Variants in RBFOX1 observed in about 807,000 individuals in gnomAD.
RBFOX1 encodes RNA binding fox-1 homolog 1, also known as RNA binding protein fox-1 homolog 1.
RBFOX1 carries 8 observed loss-of-function variants against 57.7 expected under a neutral mutation model. The ratio of observed to expected loss-of-function variants is 0.14; its 90% confidence interval spans 0.08 to 0.25. The LOEUF (loss-of-function observed/expected upper bound fraction) is 0.25, where lower values mean the gene tolerates loss of function less well. RBFOX1 is among the 10% of genes least tolerant of loss of function. The probability of loss-of-function intolerance (pLI) is 1.00; values close to 1 mark genes in which losing one functional copy is unlikely to be tolerated. For synonymous variants in RBFOX1, 326 were observed against 222.4 expected (o/e 1.47, Z -4.15); for missense variants, 611 against 548.5 (o/e 1.11, Z -1.14).
intron 1 of RBFOX1, among the ~76,000 whole-genome samples, chr16:6,312,529 G>T (rs1476665386): frequency 6.6e-6 from 1 of 152,156 alleles, no homozygotes; most frequent in East Asian, 1.9e-4. Context: ...ATGGAGCCAG[G>T]ATCAGGCGCT....
chr16:5,351,998 G>A (rs2065272623), intron 1 of RBFOX1, among the ~76,000 whole-genome samples: 1 of 152,064 alleles, frequency 6.6e-6, no homozygotes, highest in Non-Finnish European at 1.5e-5. Flanking sequence ...TGGAGACAGG[G>A]TTTCACCATG....
intron 3 of RBFOX1, among the ~76,000 whole-genome samples, chr16:6,676,790 C>G (rs530481052): frequency 6.6e-6 from 1 of 150,838 alleles, no homozygotes. Context: ...TTTCTCCTGC[C>G]TCAGCCTCCC....
chr16:7,312,240 C>T lies in RBFOX1; in HGVS notation c.28-205907C>T, dbSNP rs192632584. Among the ~76,000 whole-genome samples, 38 of 152,188 alleles carry T rather than the reference C, an allele frequency of 2.5e-4. No individual in the cohort carries two copies. In the East Asian group the frequency reaches 3.1e-3, roughly 12 times the overall value. Reference sequence around the variant, plus strand: ...ACTAAAAATACAAAAATTATCTGAGCGTGGTGGAGCACACTTGTAATCCCA... The same window carrying T: ...ACTAAAAATACAAAAATTATCTGAGTGTGGTGGAGCACACTTGTAATCCCA... On this transcript the variant is annotated intron_variant, in intron 4 of 15. Coordinates refer to ENST00000550418, the MANE Select transcript of RBFOX1 (RefSeq NM_018723.4).
chr16:5,851,161 C>T (rs1332630945), intron 3 of RBFOX1, among the ~76,000 whole-genome samples: 1 of 152,164 alleles, frequency 6.6e-6, no homozygotes, highest in Non-Finnish European at 1.5e-5. Context: ...TGAAGCCAGA[C>T]CCTATGACGG....
At chr16:6,908,687 G>C (rs371555264) in intron 3 of RBFOX1, among the ~76,000 whole-genome samples, 6 of 152,186 alleles carry the variant, frequency 3.9e-5, no homozygotes, top group African/African-American at 1.4e-4. Context: ...GGTCCAGTTG[G>C]GATGACGAGG....
At chr16:6,282,551 G>A (rs780949733) in intron 1 of RBFOX1, among the ~76,000 whole-genome samples, 15 of 151,770 alleles carry the variant, frequency 9.9e-5, no homozygotes, top group Admixed American at 2.6e-4. Flanking sequence ...CACCACCCCC[G>A]ACAGGCCCCA....
chr16:7,355,054 C>T (rs1019258248), intron 4 of RBFOX1, among the ~76,000 whole-genome samples: 35 of 152,258 alleles, frequency 2.3e-4, no homozygotes, highest in Middle Eastern at 3.4e-3. Context: ...AAGCATTTAA[C>T]GCATGAGGTC....
At chr16:7,375,022 G>C (rs1330582357) in intron 4 of RBFOX1, among the ~76,000 whole-genome samples, 1 of 152,204 alleles carries the variant, frequency 6.6e-6, no homozygotes, top group Non-Finnish European at 1.5e-5. Context: ...CTCCGTTTAT[G>C]CCCATCTGGC....
At chr16:6,633,726 T>G (rs1029736089) in intron 2 of RBFOX1, among the ~76,000 whole-genome samples, 12 of 152,190 alleles carry the variant, frequency 7.9e-5, no homozygotes, top group Non-Finnish European at 1.6e-4. Flanking sequence ...ATCGAGGCTC[T>G]AGCCAGGCGC....
At chr16:6,894,640 A>G (rs1256410925) in intron 3 of RBFOX1, among the ~76,000 whole-genome samples, 1 of 152,166 alleles carries the variant, frequency 6.6e-6, no homozygotes, top group Non-Finnish European at 1.5e-5. Flanking sequence ...ACTTTCTCTC[A>G]CTTTATAACA....
At chr16:5,678,131 T>C (rs7187806) in intron 3 of RBFOX1, among the ~76,000 whole-genome samples, 145,309 of 152,254 alleles carry the variant, frequency 0.95, 69,422 homozygotes, top group Non-Finnish European at 0.96. Flanking sequence ...CTGCTTTCCT[T>C]TCTTCTCTTC....
chr16:6,730,547 C>T (rs1011909419), intron 3 of RBFOX1, among the ~76,000 whole-genome samples: 1 of 152,170 alleles, frequency 6.6e-6, no homozygotes, highest in Non-Finnish European at 1.5e-5. Flanking sequence ...ATCTATGTAT[C>T]TATGCATCTA....
chr16:7,483,319 C>A (rs1057116181), intron 4 of RBFOX1, among the ~76,000 whole-genome samples: 1 of 152,244 alleles, frequency 6.6e-6, no homozygotes, highest in Non-Finnish European at 1.5e-5. Context: ...ATCTGGCAGA[C>A]CTGTTGTCCT....
chr16:7,419,263 T>G (rs2098515868), intron 4 of RBFOX1, among the ~76,000 whole-genome samples: 2 of 152,150 alleles, frequency 1.3e-5, no homozygotes, highest in African/African-American at 2.4e-5. Context: ...GGTTGCTGCC[T>G]TGTCCCTTTA....
At chr16:7,399,464 G>C (rs143781792) in intron 4 of RBFOX1, among the ~76,000 whole-genome samples, 1 of 152,062 alleles carries the variant, frequency 6.6e-6, no homozygotes, top group South Asian at 2.1e-4. Context: ...ATAAATAAAT[G>C]AATAAATAAA....
chr16:6,278,818 C>G (rs940543198), intron 1 of RBFOX1, among the ~76,000 whole-genome samples: 1 of 152,036 alleles, frequency 6.6e-6, no homozygotes, highest in African/African-American at 2.4e-5. Context: ...TTAAAGACAG[C>G]TTAACAGCAT....
chr16:7,687,785 T>A (rs2076379798), intron 14 of RBFOX1, among the ~76,000 whole-genome samples: 1 of 151,884 alleles, frequency 6.6e-6, no homozygotes. Flanking sequence ...TCAACACTAG[T>A]GCAATTTAAA....
intron 3 of RBFOX1, among the ~76,000 whole-genome samples, chr16:5,791,362 A>T: frequency 6.6e-6 from 1 of 152,236 alleles, no homozygotes; most frequent in East Asian, 1.9e-4. Context: ...TTGTTGAGTG[A>T]TGACTCACCA....
chr16:7,106,156 A>G (rs1412869258), intron 4 of RBFOX1, among the ~76,000 whole-genome samples: 1 of 152,124 alleles, frequency 6.6e-6, no homozygotes, highest in Admixed American at 6.6e-5. Context: ...ACCTGTGAAG[A>G]CACAGTGCAC....
Sources: allele counts gnomAD v4.1 joint callset (sites outside exome capture counted in the v4.1 genomes callset), GRCh38; gene constraint gnomAD v4.1.1; transcripts MANE v1.5; gene names NCBI Gene and HGNC (gene_info 2026-07-23, HGNC 2026-07-21).